RHPN1: variants seen among roughly 807,000 people sequenced by gnomAD.
RHPN1 encodes the protein rhophilin-1.
RHPN1 carries 77 observed loss-of-function variants against 74.7 expected under a neutral mutation model. The ratio of observed to expected loss-of-function variants is 1.03; its 90% CI spans 0.86 to 1.25. The LOEUF (loss-of-function observed/expected upper bound fraction) is 1.25, where lower values mean the gene tolerates loss of function less well. Among genes scored for constraint, RHPN1 ranks in the 50% most tolerant of loss-of-function variants. The pLI is 0.00. For missense variants in RHPN1, 987 were observed against 932.2 expected (o/e 1.06, Z -0.77); for synonymous variants, 444 against 414.5 (o/e 1.07, Z -0.87).
At position 143,379,509 on chromosome 8, in the gene RHPN1, G is replaced by A; in HGVS notation, c.945+1G>A. 1 of 1,543,146 alleles carries A rather than the reference G, an allele frequency of 6.5e-7. No homozygotes were observed. The highest frequency in any genetic ancestry group is 8.7e-7 in the Non-Finnish European group (1 of 1,143,098). ...GCGCCTGGCGCAGGAGGCCGCCCAG[G>A]TGAGCTCGGGCACCCGTGTCAGGAT... On this transcript the variant is annotated splice_donor_variant, in intron 8 of 14. Transcript: ENST00000289013. LOFTEE classifies it high-confidence loss of function.
At chr8:143,376,388 G>A (rs1199384526) in intron 2 of RHPN1, 137 bp from the exon 3 acceptor site, 2 of 1,300,146 alleles carry the variant, frequency 1.5e-6, no homozygotes, top group East Asian at 5.1e-5. Context: ...ACCCATGGGG[G>A]GCAGACCCTG....
At chr8:143,368,860 GGGGACC>G (rs1817641581), upstream of RHPN1, 1 of 559,222 alleles carries the variant, frequency 1.8e-6, no homozygotes. Context: ...AGGGACAGTC[GGGGACC>G]GGCGCGGGCA....
In RHPN1 at chr8:143,375,583, G is replaced by A. The variant is rs746831949; in HGVS notation, c.91G>A (p.Gly31Ser). ...TGACTCCCTGACGCAGATCCAGTGC[G>A]GCCAGCTGCAGAGCCGCAGGGCCCA... ...GCDSLTQIQCGQLQSRRAQIH... is the reference protein window; with the variant it reads ...GCDSLTQIQCSQLQSRRAQIH... The change falls in exon 2 of 15, where the codon GGC (glycine) becomes AGC (serine). Residue 31 changes from glycine to serine, a missense_variant. Coordinates refer to ENST00000289013, the MANE Select transcript of RHPN1 (RefSeq NM_052924.3). 62 of 1,604,994 alleles carry A rather than the reference G, an allele frequency of 3.9e-5. No individual in the cohort carries two copies. Among genetic ancestry groups the A allele is most frequent in the African/African-American group, 6.7e-5 (5 of 74,412 alleles).
At chr8:143,371,373 G>A (rs1817810612) in intron 1 of RHPN1, among the ~76,000 whole-genome samples, 2 of 152,088 alleles carry the variant, frequency 1.3e-5, no homozygotes, top group Admixed American at 6.5e-5. Context: ...ATGGGTGGCT[G>A]TCAGCATACA....
At position 143,383,311 on chromosome 8, in the gene RHPN1, G is replaced by C. The variant is rs1432006333; in HGVS notation, c.*660G>C. 1.3e-5 allele frequency: 2 copies of C among 152,738 alleles called. No individual in the cohort carries two copies. Among genetic ancestry groups the C allele is most frequent in the East Asian group, 3.9e-4 (2 of 5,182 alleles). The allele number at this position is 152,738 out of a possible 1,614,324, so 9.5% of individuals were successfully genotyped here. A position where few individuals can be genotyped will look rare whatever the true frequency, so the allele number is the denominator to read the frequency against. On this transcript the variant is annotated 3_prime_UTR_variant, in exon 15 of 15. Coordinates refer to ENST00000289013, the MANE Select transcript of RHPN1 (RefSeq NM_052924.3). ...GGCCCAGGTCTCATGGTGGCCCTAA[G>C]CCTGCCAGCCCTGCTGCCCGCCTTG...
intron 14 of RHPN1, 85 bp from the exon 15 acceptor site, chr8:143,382,351 G>A (rs1586836729): frequency 8.1e-7 from 1 of 1,233,388 alleles, no homozygotes; most frequent in East Asian, 2.6e-5. Flanking sequence ...GCCCCTCCCA[G>A]GTGGTTCTCA....
Position 143,382,904 on chromosome 8 carries a change from C to A in RHPN1, c.*253C>A. ...TGAGGTCAGCTTCCTGGGGCTGCCC[C>A]ACCCTGAGGGCTCCTTACAGGGTGC... is the stretch of plus-strand genomic sequence containing the variant. On this transcript the variant is annotated 3_prime_UTR_variant, in exon 15 of 15. Transcript: ENST00000289013. 1.8e-6 allele frequency: 1 copy of A among 547,606 alleles called. No homozygotes were observed. The highest frequency in any genetic ancestry group is 3.3e-6 in the Non-Finnish European group (1 of 304,858). The allele number at this position is 547,606 out of a possible 1,614,324, so 33.9% of individuals were successfully genotyped here.
rs775090623 is a variant in RHPN1 at position 143,379,046 on chromosome 8, G to C, written c.719G>C (p.Arg240Pro). The C allele has an allele frequency of 1.3e-6, 2 of 1,540,336 alleles. No homozygotes were observed. Among genetic ancestry groups the C allele is most frequent in the Non-Finnish European group, 1.8e-6 (2 of 1,142,850 alleles). Residue 240 changes from arginine to proline, a missense_variant, in exon 7 of 15, where the codon CGC becomes CCC. By Grantham distance (103) the Arg-to-Pro change is moderately radical. Coordinates refer to ENST00000289013, the MANE Select transcript of RHPN1 (RefSeq NM_052924.3). ...GACCGCTCCTGCACCGAGGGTGCCC[G>C]CCGCGCTATGGAGGCCTTCCAGAGG... ...RQDRSCTEGARRAMEAFQRAA... is the reference protein window; with the variant it reads ...RQDRSCTEGAPRAMEAFQRAA...
Position 143,383,433 on chromosome 8 carries a change from CT to C in RHPN1, c.*783del, listed in dbSNP as rs1818871198. 1 of 152,382 alleles carries C rather than the reference CT, an allele frequency of 6.6e-6. No homozygotes were observed. 9.4% of individuals were successfully genotyped at this position (152,382 alleles called of 1,614,324 possible). ...GCATGGGCCCCCAGCCCTCCCCAGC[CT>C]GCTTGGGCCGCTCCTGCTGGCCTCC... On this transcript the variant is annotated 3_prime_UTR_variant, in exon 15 of 15. Coordinates refer to ENST00000289013, the MANE Select transcript of RHPN1 (RefSeq NM_052924.3).
At position 143,375,599 on chromosome 8, in the gene RHPN1, G is replaced by T. The variant is rs745874856; in HGVS notation, c.107G>T (p.Arg36Leu). 17 of 1,607,124 alleles carry T rather than the reference G, an allele frequency of 1.1e-5. No homozygotes were observed. Among genetic ancestry groups the T allele is most frequent in the African/African-American group, 1.3e-5 (1 of 74,560 alleles). ...TQIQCGQLQS[R>L]RAQIHQQIDK... ...ATCCAGTGCGGCCAGCTGCAGAGCC[G>T]CAGGGCCCAGATTCACCAGCAGATT... The change falls in exon 2 of 15, where the codon CGC becomes CTC. Residue 36 changes from arginine (R) to leucine (L), a missense_variant. Coordinates refer to ENST00000289013, the MANE Select transcript of RHPN1 (RefSeq NM_052924.3).
At chr8:143,382,290 T>C in intron 14 of RHPN1, 146 bp from the exon 15 acceptor site, 1 of 729,790 alleles carries the variant, frequency 1.4e-6, no homozygotes, top group Non-Finnish European at 2.3e-6. Flanking sequence ...CATGGGCCCC[T>C]GCTATGTGGC....
chr8:143,368,851 G>A (rs1218042274), upstream of RHPN1: 1 of 484,094 alleles, frequency 2.1e-6, no homozygotes, highest in Non-Finnish European at 3.2e-6. Flanking sequence ...CCACTCAGGA[G>A]GGACAGTCGG....
At position 143,378,804 on chromosome 8, in the gene RHPN1, G is replaced by A. The variant is rs1442034169; in HGVS notation, c.568G>A (p.Gly190Arg). 1.2e-5 allele frequency: 19 copies of A among 1,564,968 alleles called. No homozygotes were observed. The highest frequency in any genetic ancestry group is 5.7e-5 in the Admixed American group (3 of 52,618). ...ARFLTPARSL[G>R]LFFHWYDSLT... is the part of the protein sequence containing the mutation. The stretch of plus-strand genomic sequence containing the variant: ...CTTCCTCACCCCTGCCAGGAGCCTC[G>A]GGCTCTTCTTCCACTGGTAGGGGCT... The change falls in exon 6 of 15, where the codon GGG (glycine) becomes AGG (arginine). Residue 190 changes from glycine (G) to arginine (R), a missense_variant. By Grantham distance (125) the Gly-to-Arg change is moderately radical. Transcript: ENST00000289013.
Position 143,381,855 on chromosome 8 carries a change from C to T in RHPN1, c.1684C>T (p.Pro562Ser), listed in dbSNP as rs373058084. ...GDYIVSVNGQ[P>S]CRWWRHAEVV... ...CTACATTGTGTCAGTGAATGGGCAG[C>T]CATGCAGGTGGTGGAGACACGCGGA... Residue 562 changes from proline (P) to serine (S), a missense_variant, in exon 14 of 15, where the codon CCA becomes TCA. By Grantham distance (74) the Pro-to-Ser change is moderately conservative. Transcript: ENST00000289013. 1.1e-4 allele frequency: 184 copies of T among 1,612,914 alleles called. No individual in the cohort carries two copies. The highest frequency in any genetic ancestry group is 1.3e-4 in the Non-Finnish European group (154 of 1,179,750).
chr8:143,380,381 GGA>G, intron 10 of RHPN1: 1 of 648,284 alleles, frequency 1.5e-6, no homozygotes. Context: ...TGAGCAGGTG[GGA>G]GACCACTGGG....
intron 8 of RHPN1, 96 bp from the exon 9 acceptor site, chr8:143,379,733 G>T: frequency 1.4e-6 from 2 of 1,479,416 alleles, no homozygotes; most frequent in Non-Finnish European, 9.0e-7. Context: ...GGAGGCTGCT[G>T]GGATGGTGGT....
At chr8:143,374,664 C>T (rs139918380) in intron 1 of RHPN1, among the ~76,000 whole-genome samples, 12 of 152,120 alleles carry the variant, frequency 7.9e-5, no homozygotes, top group Admixed American at 3.9e-4. Flanking sequence ...CACATGGCCA[C>T]GGGGAAGAGT....
chr8:143,382,290 T>A, intron 14 of RHPN1, 146 bp from the exon 15 acceptor site: 1 of 729,790 alleles, frequency 1.4e-6, no homozygotes, highest in Non-Finnish European at 2.3e-6. Context: ...CATGGGCCCC[T>A]GCTATGTGGC....
In RHPN1 at chr8:143,380,346, G is replaced by C. The variant is rs1818628658; in HGVS notation, c.1216+171G>C. On this transcript the variant is annotated intron_variant, in intron 10 of 14. Coordinates refer to ENST00000289013, the MANE Select transcript of RHPN1 (RefSeq NM_052924.3). ...CTGATGGGTGACGGCCCAGCGCAGG[G>C]GCCCCAGGAGTGCTGGGCAGCCTCT... The C allele has an allele frequency of 1.8e-5, 12 of 672,476 alleles. No individual in the cohort carries two copies. In the South Asian group the frequency reaches 2.3e-4, roughly 13 times the overall value. The allele number at this position is 672,476 out of a possible 1,614,324, so 41.7% of individuals were successfully genotyped here. A position where few individuals can be genotyped will look rare whatever the true frequency, so the allele number is the denominator to read the frequency against.
Sources: allele counts gnomAD v4.1 joint callset (sites outside exome capture counted in the v4.1 genomes callset), GRCh38; gene constraint gnomAD v4.1.1; transcripts MANE v1.5; gene names NCBI Gene and HGNC (gene_info 2026-07-23, HGNC 2026-07-21).